The following DOP1A variants were observed in gnomAD, a reference collection of about 807,000 sequenced individuals.
DOP1A encodes DOP1 leucine zipper like protein A.
A neutral mutation model predicts 267.6 loss-of-function variants in DOP1A; 90 were observed. The ratio of observed to expected loss-of-function variants is 0.34; its 90% CI spans 0.28 to 0.40. The LOEUF is 0.40. Ranked by LOEUF, DOP1A falls within the 10% of genes least tolerant of loss-of-function variation. The pLI is 1.00. For missense variants in DOP1A, 2,437 were observed against 2,900.4 expected (o/e 0.84, Z 3.67); for synonymous variants, 932 against 999.1 (o/e 0.93, Z 1.27).
chr6:83,080,216 A>AATTCT (rs1767851461), intron 1 of DOP1A, among the ~76,000 whole-genome samples: 5 of 152,202 alleles, frequency 3.3e-5, no homozygotes, highest in Admixed American at 2.0e-4. Context: ...AAACATTAGA[A>AATTCT]AGATATGTTT....
intron 1 of DOP1A, among the ~76,000 whole-genome samples, chr6:83,075,406 CA>C (rs1766909410): frequency 6.6e-6 from 1 of 151,988 alleles, no homozygotes; most frequent in Non-Finnish European, 1.5e-5. Flanking sequence ...TATAGCATGT[CA>C]TGGGAGTTCA....
At chr6:83,151,840 G>T in intron 28 of DOP1A, 43 bp from the exon 29 acceptor site, 4 of 1,574,664 alleles carry the variant, frequency 2.5e-6, no homozygotes, top group Non-Finnish European at 3.5e-6. Context: ...TAACTAGTGT[G>T]CATGTGTGTA....
At chr6:83,169,796 T>C (rs1426439689), downstream of DOP1A, 3 of 457,540 alleles carry the variant, frequency 6.6e-6, no homozygotes, top group East Asian at 6.9e-5. Context: ...TTAAGGAGTA[T>C]GTGAAGAGGC....
chr6:83,076,265 T>TA (rs1767072566), intron 1 of DOP1A, among the ~76,000 whole-genome samples: 1 of 152,198 alleles, frequency 6.6e-6, no homozygotes, highest in African/African-American at 2.4e-5. Flanking sequence ...GGCTCAGGCC[T>TA]GTAATCCCAG....
chr6:83,083,649 G>T (rs1768546614), intron 1 of DOP1A, among the ~76,000 whole-genome samples: 4 of 152,178 alleles, frequency 2.6e-5, no homozygotes, highest in Admixed American at 2.6e-4. Flanking sequence ...AGAGTAATTT[G>T]TAAGTCAGTA....
intron 25 of DOP1A, among the ~76,000 whole-genome samples, chr6:83,146,374 T>C (rs1250147168): frequency 1.3e-5 from 2 of 152,226 alleles, no homozygotes; most frequent in African/African-American, 2.4e-5. Context: ...AAATGTTGAA[T>C]GATGTTTTCC....
chr6:83,078,236 T>A (rs1767460539), intron 1 of DOP1A, among the ~76,000 whole-genome samples: 1 of 152,204 alleles, frequency 6.6e-6, no homozygotes, highest in East Asian at 1.9e-4. Context: ...TTTATATGGC[T>A]AACAGCTTGC....
At chr6:83,123,547 T>G (rs1405291164) in intron 12 of DOP1A, among the ~76,000 whole-genome samples, 2 of 152,068 alleles carry the variant, frequency 1.3e-5, no homozygotes, top group Non-Finnish European at 2.9e-5. Flanking sequence ...CAGGAGCATG[T>G]AGTCAAAATG....
chr6:83,153,353 T>C, intron 30 of DOP1A, 158 bp from the exon 31 acceptor site: 1 of 473,970 alleles, frequency 2.1e-6, no homozygotes, highest in Non-Finnish European at 3.6e-6. Context: ...AAGCAGATGG[T>C]GGCAAAACTC....
At chr6:83,109,364 C>T (rs1434485014) in intron 5 of DOP1A, among the ~76,000 whole-genome samples, 5 of 152,104 alleles carry the variant, frequency 3.3e-5, no homozygotes, top group African/African-American at 1.2e-4. Flanking sequence ...AGTGTCTGAA[C>T]TTTATTTAGT....
At chr6:83,155,268 C>T (rs539060726) in intron 33 of DOP1A, among the ~76,000 whole-genome samples, 2 of 150,784 alleles carry the variant, frequency 1.3e-5, no homozygotes, top group South Asian at 2.1e-4. Flanking sequence ...TTGAGACTAA[C>T]CTGGACAAAA....
intron 4 of DOP1A, among the ~76,000 whole-genome samples, chr6:83,103,799 G>GTGA (rs1467592279): frequency 1.3e-5 from 2 of 152,108 alleles, no homozygotes. Context: ...AATGTTCAAT[G>GTGA]TGATGAGTTT....
intron 3 of DOP1A, among the ~76,000 whole-genome samples, chr6:83,098,063 T>A (rs1771835487): frequency 6.6e-6 from 1 of 151,816 alleles, no homozygotes; most frequent in Admixed American, 6.6e-5. Flanking sequence ...GCTAGTTATT[T>A]TTTTAGAGAT....
intron 27 of DOP1A, among the ~76,000 whole-genome samples, chr6:83,150,339 C>T (rs970087296): frequency 1.3e-5 from 2 of 152,148 alleles, no homozygotes; most frequent in African/African-American, 4.8e-5. Context: ...ACCCTGCTGG[C>T]TAATTTCATC....
chr6:83,099,292 A>G (rs1216020721), intron 3 of DOP1A, among the ~76,000 whole-genome samples: 3 of 152,180 alleles, frequency 2.0e-5, no homozygotes, highest in Non-Finnish European at 4.4e-5. Context: ...TATGTCAAGG[A>G]TTTGTCTTAA....
chr6:83,164,318 T>A (rs1049331228), intron 38 of DOP1A, among the ~76,000 whole-genome samples: 1 of 151,832 alleles, frequency 6.6e-6, no homozygotes, highest in Non-Finnish European at 1.5e-5. Flanking sequence ...TGAGGATGTA[T>A]GCTGGGTCCT....
intron 29 of DOP1A, 55 bp from the exon 30 acceptor site, chr6:83,152,231 CAT>C (rs765146294): frequency 7.6e-5 from 71 of 936,474 alleles, no homozygotes; most frequent in Non-Finnish European, 1.1e-4. Flanking sequence ...CACACACACA[CAT>C]AAAATTTATT....
At chr6:83,132,803 T>A (rs1402603158) in intron 18 of DOP1A, among the ~76,000 whole-genome samples, 1 of 152,202 alleles carries the variant, frequency 6.6e-6, no homozygotes, top group Non-Finnish European at 1.5e-5. Context: ...GAATTTTGTA[T>A]CCTAATGTAT....
At chr6:83,074,658 TA>T (rs1192369947) in intron 1 of DOP1A, among the ~76,000 whole-genome samples, 1 of 152,212 alleles carries the variant, frequency 6.6e-6, no homozygotes, top group Non-Finnish European at 1.5e-5. Context: ...TGCCTAACTA[TA>T]GGCTAATATA....
Sources: allele counts gnomAD v4.1 joint callset (sites outside exome capture counted in the v4.1 genomes callset), GRCh38; gene constraint gnomAD v4.1.1; transcripts MANE v1.5; gene names NCBI Gene and HGNC (gene_info 2026-07-23, HGNC 2026-07-21).